PCDH9: variants seen among roughly 807,000 people sequenced by gnomAD.
The protein encoded by PCDH9 is protocadherin 9.
A neutral mutation model predicts 70.6 loss-of-function variants in PCDH9; 24 were observed. The ratio of observed to expected loss-of-function variants is 0.34; its 90% CI spans 0.25 to 0.48. The LOEUF (loss-of-function observed/expected upper bound fraction) is 0.48, where lower values mean the gene tolerates loss of function less well. Among genes scored for constraint, PCDH9 ranks in the 20% least tolerant of loss-of-function variants. The pLI is 0.99. For missense variants in PCDH9, 1,281 were observed against 1,503.6 expected (o/e 0.85, Z 2.45); for synonymous variants, 562 against 558.5 (o/e 1.01, Z -0.09).
chr13:66,462,976 A>T (rs1156510463), intron 4 of PCDH9, among the ~76,000 whole-genome samples: 1 of 151,836 alleles, frequency 6.6e-6, no homozygotes, highest in Non-Finnish European at 1.5e-5. Context: ...ATGTGATATC[A>T]CTGCTTGCAC....
At chr13:66,481,762 C>G (rs1372929509) in intron 4 of PCDH9, among the ~76,000 whole-genome samples, 1 of 151,932 alleles carries the variant, frequency 6.6e-6, no homozygotes, top group Non-Finnish European at 1.5e-5. Context: ...TACAAATATT[C>G]TGTCTTTGAG....
intron 2 of PCDH9, among the ~76,000 whole-genome samples, chr13:66,983,132 T>C (rs2083810217): frequency 1.3e-5 from 2 of 152,134 alleles, no homozygotes; most frequent in Admixed American, 6.5e-5. Context: ...AATACTTAAG[T>C]GATAAGTTGA....
chr13:67,164,574 C>CA lies in PCDH9; in HGVS notation c.3036+60830dup, dbSNP rs56207174. ...GTGTGACAGAGCCAGACTCCATCTC[C>CA]AAAAAAAAAAAAAAAAGAAAAAAAA... is the stretch of plus-strand genomic sequence containing the variant. On this transcript the variant is annotated intron_variant, in intron 2 of 4. Coordinates refer to ENST00000377865, the MANE Select transcript of PCDH9 (RefSeq NM_203487.3). Among the ~76,000 whole-genome samples the CA allele has an allele frequency of 8.3e-4, 114 of 137,196 alleles. 1 individual carries two copies. Among genetic ancestry groups the CA allele is most frequent in the Middle Eastern group, 3.6e-3 (1 of 278 alleles). 90.0% of individuals were successfully genotyped at this position (137,196 alleles called of 152,430 possible). A position where few individuals can be genotyped will look rare whatever the true frequency, so the allele number is the denominator to read the frequency against.
chr13:66,767,762 T>G (rs2079741973), intron 3 of PCDH9, among the ~76,000 whole-genome samples: 1 of 152,078 alleles, frequency 6.6e-6, no homozygotes, highest in African/African-American at 2.4e-5. Flanking sequence ...TAGCAGTCAA[T>G]CTTGTCTATG....
intron 3 of PCDH9, among the ~76,000 whole-genome samples, chr13:66,701,267 G>A (rs1230931168): frequency 6.7e-6 from 1 of 150,036 alleles, no homozygotes; most frequent in East Asian, 2.0e-4. Flanking sequence ...CCGTTTTTGT[G>A]TATATATATA....
At chr13:66,918,422 C>T (rs1007513343) in intron 2 of PCDH9, among the ~76,000 whole-genome samples, 17 of 151,346 alleles carry the variant, frequency 1.1e-4, no homozygotes, top group Admixed American at 1.1e-3. Flanking sequence ...ATAATTGTAA[C>T]ATTATACATT....
At chr13:67,036,449 TTTGA>T (rs2085011403) in intron 2 of PCDH9, among the ~76,000 whole-genome samples, 2 of 152,326 alleles carry the variant, frequency 1.3e-5, no homozygotes. Flanking sequence ...AGTGGCATTC[TTTGA>T]TTAATATCAG....
intron 4 of PCDH9, among the ~76,000 whole-genome samples, chr13:66,547,457 A>G (rs972141662): frequency 1.3e-5 from 2 of 152,034 alleles, no homozygotes; most frequent in African/African-American, 4.8e-5. Flanking sequence ...CCATTGTCAT[A>G]CTCTCCCACT....
At chr13:66,449,818 T>C (rs1420358167) in intron 4 of PCDH9, among the ~76,000 whole-genome samples, 1 of 152,164 alleles carries the variant, frequency 6.6e-6, no homozygotes, top group East Asian at 1.9e-4. Flanking sequence ...AAAGATTATA[T>C]TATGCATCCG....
chr13:66,751,670 C>A (rs1367416686), intron 3 of PCDH9, among the ~76,000 whole-genome samples: 1 of 152,158 alleles, frequency 6.6e-6, no homozygotes, highest in African/African-American at 2.4e-5. Context: ...GATATGGTCC[C>A]AGCACTAATA....
At chr13:66,919,830 T>C (rs1194716405) in intron 2 of PCDH9, among the ~76,000 whole-genome samples, 2 of 151,122 alleles carry the variant, frequency 1.3e-5, no homozygotes, top group African/African-American at 4.8e-5. Flanking sequence ...TAGAAAAGTA[T>C]GAGGGACTAA....
At chr13:66,539,080 C>A (rs898630707) in intron 4 of PCDH9, among the ~76,000 whole-genome samples, 1 of 151,878 alleles carries the variant, frequency 6.6e-6, no homozygotes, top group African/African-American at 2.4e-5. Flanking sequence ...AATATATGTA[C>A]ATATATATTT....
intron 2 of PCDH9, chr13:67,212,028 T>C (rs1339306889): frequency 6.6e-6 from 1 of 152,156 alleles, no homozygotes; most frequent in Non-Finnish European, 1.5e-5. Flanking sequence ...GTGTGCCATG[T>C]TTTTAAAGTA....
rs113019715 is a variant in PCDH9, at chr13:66,687,547, T to C, written c.3139-56136A>G. ...ACATCAAATTTTGACTTATTTTCCA[T>C]GTTCTATAGTTAAATTTCCAATTAC... On this transcript the variant is annotated intron_variant, in intron 3 of 4. Coordinates refer to ENST00000377865, the MANE Select transcript of PCDH9 (RefSeq NM_203487.3). Among the ~76,000 whole-genome samples, 979 of 152,254 alleles carry C rather than the reference T, an allele frequency of 6.4e-3. 12 individuals carry two copies. Among genetic ancestry groups the C allele is most frequent in the African/African-American group, 0.022 (929 of 41,570 alleles).
chr13:66,702,952 AAAATGCC>A lies in PCDH9; in HGVS notation c.3139-71548_3139-71542del, dbSNP rs1729001965. Among the ~76,000 whole-genome samples, 3 of 152,342 alleles carry A rather than the reference AAAATGCC, an allele frequency of 2.0e-5. No individual in the cohort carries two copies. The South Asian group carries it at 6.2e-4, about 32-fold the overall frequency. ...TAGAAATAAATCAGTTTTGAAACAC[AAAATGCC>A]AAAAATATATATTGATCTGTGTATA... On this transcript the variant is annotated intron_variant, in intron 3 of 4. Transcript: ENST00000377865.
At chr13:66,831,214 G>A (rs1297740773) in intron 3 of PCDH9, among the ~76,000 whole-genome samples, 1 of 152,162 alleles carries the variant, frequency 6.6e-6, no homozygotes, top group African/African-American at 2.4e-5. Flanking sequence ...GACTCAAAGT[G>A]TATTACTATT....
At chr13:66,608,581 A>G (rs2138863646) in intron 4 of PCDH9, among the ~76,000 whole-genome samples, 1 of 152,098 alleles carries the variant, frequency 6.6e-6, no homozygotes, top group South Asian at 2.1e-4. Flanking sequence ...CCCCAAACTA[A>G]TAGTGCTAGG....
chr13:67,012,959 G>A lies in PCDH9; in HGVS notation c.3037-109354C>T, dbSNP rs912827735. ...GGAGATAATTAGGCCCAATTACTAG[G>A]TGAAGTCACTGTACTCATTTAAGAC... is the stretch of plus-strand genomic sequence containing the variant. On this transcript the variant is annotated intron_variant, in intron 2 of 4. Coordinates refer to ENST00000377865, the MANE Select transcript of PCDH9 (RefSeq NM_203487.3). Among the ~76,000 whole-genome samples the A allele has an allele frequency of 2.6e-5, 4 of 151,820 alleles. No homozygotes were observed. The South Asian group carries it at 6.2e-4, about 24-fold the overall frequency.
intron 2 of PCDH9, among the ~76,000 whole-genome samples, chr13:66,929,686 G>A (rs940808120): frequency 1.2e-4 from 18 of 152,170 alleles, no homozygotes; most frequent in African/African-American, 7.2e-5. Flanking sequence ...AAAAACACTC[G>A]TTCCTATGAT....
Sources: gnomAD v4.1 joint callset for allele counts (sites outside exome capture counted in the v4.1 genomes callset) on GRCh38, gnomAD v4.1.1 for gene constraint, MANE v1.5 for transcripts, NCBI Gene and HGNC (gene_info 2026-07-23, HGNC 2026-07-21) for gene names.